Variants in H3-3A observed in about 807,000 individuals in gnomAD.
The protein encoded by H3-3A is histone H3.3.
For synonymous variants in H3-3A, 49 were observed against 61.4 expected, an observed-to-expected ratio of 0.80 and a Z score of 0.95; for missense variants, 7 against 184.0, an observed-to-expected ratio of 0.04 and a Z score of 5.57.
upstream of H3-3A, among the ~76,000 whole-genome samples, chr1:226,062,421 G>A (rs573427764): frequency 1.3e-5 from 2 of 151,544 alleles, no homozygotes; most frequent in South Asian, 4.1e-4. Flanking sequence ...GCAGGGCCGG[G>A]GGCGGGGGCT....
intron 1 of H3-3A, among the ~76,000 whole-genome samples, chr1:226,063,176 C>T (rs1345830917): frequency 1.3e-5 from 2 of 151,954 alleles, no homozygotes; most frequent in African/African-American, 4.8e-5. Context: ...CGGGCCCCAG[C>T]CCCCAGTTTT....
intron 2 of H3-3A, 91 bp downstream of exon 2, chr1:226,064,570 G>C (rs1270526807): frequency 7.3e-6 from 8 of 1,103,192 alleles, no homozygotes; most frequent in African/African-American, 4.8e-5. Context: ...AAAACTTTTT[G>C]CTTTAGAGAA....
intron 1 of H3-3A, among the ~76,000 whole-genome samples, chr1:226,063,216 G>A (rs1262189009): frequency 1.3e-5 from 2 of 151,852 alleles, no homozygotes; most frequent in Non-Finnish European, 1.5e-5. Context: ...AATCGCCGCC[G>A]CTTCGCACCC....
intron 2 of H3-3A, 37 bp downstream of exon 2, chr1:226,064,516 T>A: frequency 6.4e-7 from 1 of 1,569,886 alleles, no homozygotes; most frequent in Non-Finnish European, 8.7e-7. Context: ...ACAAAGTCTC[T>A]CTTGTATGTA....
chr1:226,062,192 C>T (rs1657727713), upstream of H3-3A: 2 of 151,568 alleles, frequency 1.3e-5, no homozygotes, highest in South Asian at 4.1e-4. Context: ...ACCGCGTCCT[C>T]CTCCCCCACT....
chr1:226,065,922 A>G, intron 3 of H3-3A, 113 bp downstream of exon 3: 1 of 837,726 alleles, frequency 1.2e-6, no homozygotes, highest in African/African-American at 1.7e-5. Context: ...CAGGTAGTTG[A>G]TATTGTTACT....
intron 3 of H3-3A, among the ~76,000 whole-genome samples, chr1:226,068,997 T>C (rs1383151788): frequency 2.0e-5 from 3 of 151,724 alleles, no homozygotes; most frequent in South Asian, 4.2e-4. Flanking sequence ...AGGAAACTTG[T>C]AGAAGAGTAG....
chr1:226,071,395 C>T lies in H3-3A; in HGVS notation c.327C>T (p.Asn109=), dbSNP rs757577131. ...AYLVGLFEDT[N]LCAIHAKRVT... ...TGGTTGGCCTTTTTGAAGACACCAACCTGTGTGCTATCCATGCCAAACGTG... is the reference window on the plus strand; with the variant it reads ...TGGTTGGCCTTTTTGAAGACACCAATCTGTGTGCTATCCATGCCAAACGTG... Residue 109 remains asparagine, a synonymous_variant, in exon 4 of 4, where the codon AAC becomes AAT. Coordinates refer to ENST00000366815, the MANE Select transcript of H3-3A (RefSeq NM_002107.7). 15 of 1,518,848 alleles carry T rather than the reference C, an allele frequency of 9.9e-6. No individual in the cohort carries two copies. Among genetic ancestry groups the T allele is most frequent in the East Asian group, 2.2e-5 (1 of 44,504 alleles). The allele number at this position is 1,518,848 out of a possible 1,614,324, so 94.1% of individuals were successfully genotyped here. A position where few individuals can be genotyped will look rare whatever the true frequency, so the allele number is the denominator to read the frequency against.
At chr1:226,070,662 A>G (rs1166000102) in intron 3 of H3-3A, among the ~76,000 whole-genome samples, 1 of 151,514 alleles carries the variant, frequency 6.6e-6, no homozygotes, top group Non-Finnish European at 1.5e-5. Flanking sequence ...AGTCCCAGCT[A>G]CTCGGGAGGC....
Position 226,071,611 on chromosome 1 carries a change from G to A in H3-3A, c.*132G>A, listed in dbSNP as rs1658132246. The A allele has an allele frequency of 2.2e-6, 1 of 456,986 alleles. No homozygotes were observed. Among genetic ancestry groups the A allele is most frequent in the East Asian group, 3.3e-5 (1 of 30,430 alleles). The allele number at this position is 456,986 out of a possible 1,614,324, so 28.3% of individuals were successfully genotyped here. On this transcript the variant is annotated 3_prime_UTR_variant, in exon 4 of 4. Transcript: ENST00000366815. ...TCAAAAGGTACCTAAGTATATGATT[G>A]CGAGTGGAAAAATAGGGGACAGAAA...
intron 3 of H3-3A, among the ~76,000 whole-genome samples, chr1:226,070,573 A>G (rs1658081040): frequency 6.6e-6 from 1 of 152,088 alleles, no homozygotes; most frequent in Non-Finnish European, 1.5e-5. Context: ...GGAGTTCGAG[A>G]CCAGCCTGAC....
At chr1:226,063,797 C>CT (rs1576199332) in intron 1 of H3-3A, among the ~76,000 whole-genome samples, 1 of 151,582 alleles carries the variant, frequency 6.6e-6, no homozygotes, top group Admixed American at 6.6e-5. Context: ...TGTTGTTCCT[C>CT]TCTTGTTTTT....
At chr1:226,070,462 A>G (rs1481547039) in intron 3 of H3-3A, among the ~76,000 whole-genome samples, 1 of 147,662 alleles carries the variant, frequency 6.8e-6, no homozygotes, top group Non-Finnish European at 1.5e-5. Context: ...ACAAAGAGAG[A>G]CTCCGTCTCA....
chr1:226,063,066 G>T (rs1227801385), intron 1 of H3-3A, among the ~76,000 whole-genome samples: 2 of 151,516 alleles, frequency 1.3e-5, no homozygotes, highest in East Asian at 3.9e-4. Flanking sequence ...TCCTCCCCGC[G>T]CCCCTGGCTC....
At chr1:226,062,971 C>T (rs780347379) in intron 1 of H3-3A, among the ~76,000 whole-genome samples, 160 bp downstream of exon 1, 58 of 152,152 alleles carry the variant, frequency 3.8e-4, no homozygotes, top group Admixed American at 7.8e-4. Context: ...TTTCCCTGTT[C>T]CCTCTGGCGG....
At chr1:226,068,871 G>A (rs73083530) in intron 3 of H3-3A, among the ~76,000 whole-genome samples, 4,476 of 152,216 alleles carry the variant, frequency 0.029, 218 homozygotes, top group African/African-American at 0.1. Flanking sequence ...ACAAGTATGC[G>A]ATTTTCTCCT....
In H3-3A at chr1:226,064,530, A is replaced by G. The variant is rs1204787581; in HGVS notation, c.128+51A>G. On this transcript the variant is annotated intron_variant, in intron 2 of 3. Transcript: ENST00000366815. ...GACAAAGTCTCTCTTGTATGTATCC[A>G]CATAATTTAACAAAAAGATGGATAA... The G allele has an allele frequency of 1.0e-5, 15 of 1,486,290 alleles. 1 individual carries two copies. The highest frequency in any genetic ancestry group is 4.6e-5 in the East Asian group (2 of 43,676). The allele number at this position is 1,486,290 out of a possible 1,614,324, so 92.1% of individuals were successfully genotyped here. A position where few individuals can be genotyped will look rare whatever the true frequency, so the allele number is the denominator to read the frequency against.
intron 1 of H3-3A, among the ~76,000 whole-genome samples, chr1:226,063,658 G>A (rs897684086): frequency 6.6e-6 from 1 of 152,178 alleles, no homozygotes; most frequent in Non-Finnish European, 1.5e-5. Flanking sequence ...TGTGGTGCTT[G>A]GGGTGGACCG....
chr1:226,066,652 A>G (rs1040672237), intron 3 of H3-3A: 4 of 152,270 alleles, frequency 2.6e-5, no homozygotes, highest in Admixed American at 2.0e-4. Context: ...CAAGTATCCC[A>G]GAATACAGTA....
Sources: gnomAD v4.1 joint callset for allele counts (sites outside exome capture counted in the v4.1 genomes callset) on GRCh38, gnomAD v4.1.1 for gene constraint, MANE v1.5 for transcripts, NCBI Gene and HGNC (gene_info 2026-07-23, HGNC 2026-07-21) for gene names.